Variants in SLC51B observed in about 807,000 individuals in gnomAD.
The protein encoded by SLC51B is organic solute transporter subunit beta.
In SLC51B, 6 loss-of-function variants were observed where a neutral mutation model predicts 8.0. The observed-to-expected ratio is 0.75, with a 90% CI of 0.41 to 1.48. SLC51B has a LOEUF of 1.48. SLC51B is among the 40% of genes most tolerant of loss of function. The probability of loss-of-function intolerance (pLI) is 0.01; values close to 1 mark genes in which losing one functional copy is unlikely to be tolerated. For synonymous variants in SLC51B, 61 were observed against 54.8 expected (o/e 1.11, Z -0.50); for missense variants, 150 against 149.7 (o/e 1.00, Z -0.01).
chr15:65,053,221 T>C lies in SLC51B; in HGVS notation c.*57T>C. On this transcript the variant is annotated 3_prime_UTR_variant, in exon 4 of 4. Coordinates refer to ENST00000334287, the MANE Select transcript of SLC51B (RefSeq NM_178859.4). The stretch of plus-strand genomic sequence containing the variant: ...GACACATGATGTGGGCTCAGCTCAG[T>C]GGCCTGAAACCTCTCAGGTTTTAGA... The C allele has an allele frequency of 1.3e-6, 2 of 1,590,576 alleles. No homozygotes were observed. Among genetic ancestry groups the C allele is most frequent in the Admixed American group, 1.8e-5 (1 of 56,656 alleles).
chr15:65,051,457 C>G, intron 2 of SLC51B, 58 bp from the exon 3 acceptor site: 1 of 1,534,160 alleles, frequency 6.5e-7, no homozygotes, highest in Admixed American at 1.7e-5. Flanking sequence ...CAGCTGTTAG[C>G]GGGCTTGAGA....
chr15:65,050,027 C>T lies in SLC51B; in HGVS notation c.23C>T (p.Pro8Leu). 2 of 1,551,526 alleles carry T rather than the reference C, an allele frequency of 1.3e-6. No homozygotes were observed. The highest frequency in any genetic ancestry group is 1.7e-6 in the Non-Finnish European group (2 of 1,146,926). Residue 8 changes from proline (P) to leucine (L), a missense_variant, in exon 2 of 4, where the codon CCC (proline) becomes CTC (leucine). Coordinates refer to ENST00000334287, the MANE Select transcript of SLC51B (RefSeq NM_178859.4). MEHSEGA[P>L]GDPAGTVVPQ... ...GGCATGGAGCACAGTGAGGGGGCTCCCGGAGACCCAGCCGGTACTGTGGTA... is the reference window on the plus strand; with the variant it reads ...GGCATGGAGCACAGTGAGGGGGCTCTCGGAGACCCAGCCGGTACTGTGGTA...
chr15:65,053,030 G>C lies in SLC51B; in HGVS notation c.253G>C (p.Asp85His). 1 of 1,613,926 alleles carries C rather than the reference G, an allele frequency of 6.2e-7. No homozygotes were observed. The highest frequency in any genetic ancestry group is 8.5e-7 in the Non-Finnish European group (1 of 1,180,008). The change falls in exon 4 of 4, where the codon GAT becomes CAT. Residue 85 changes from aspartate to histidine, a missense_variant. By Grantham distance (81) the Asp-to-His change is moderately conservative. Transcript: ENST00000334287. ...PEVLHLDEAK[D>H]HNSLNNLRET... is the part of the protein sequence containing the mutation. ...AGTCCTGCATTTGGATGAGGCCAAG[G>C]ATCACAACAGCCTAAACAACCTAAG...
At chr15:65,052,759 G>T (rs2086671360) in intron 3 of SLC51B, among the ~76,000 whole-genome samples, 1 of 152,126 alleles carries the variant, frequency 6.6e-6, no homozygotes, top group Admixed American at 6.6e-5. Context: ...GAGCTCACAG[G>T]TGACAGTAAG....
chr15:65,052,503 T>C (rs2086666832), intron 3 of SLC51B, among the ~76,000 whole-genome samples: 2 of 148,216 alleles, frequency 1.3e-5, no homozygotes, highest in Non-Finnish European at 3.0e-5. Flanking sequence ...CAGGTTCAAG[T>C]GATTCTCCTG....
intron 1 of SLC51B, chr15:65,049,142 T>G (rs1435761734): frequency 6.6e-6 from 1 of 151,900 alleles, no homozygotes; most frequent in Non-Finnish European, 1.5e-5. Context: ...TTATATTAAG[T>G]AGTAATAATG....
intron 1 of SLC51B, among the ~76,000 whole-genome samples, chr15:65,048,195 GAAAAAAAAAA>G (rs57088900): frequency 1.0e-4 from 13 of 124,220 alleles, no homozygotes; most frequent in Non-Finnish European, 1.5e-4. Context: ...GAAAAAAAAA[GAAAAAAAAAA>G]AAGTCTAAGA....
In SLC51B at chr15:65,049,892, T is replaced by G. The variant is rs60518576; in HGVS notation, c.-108-5T>G. On this transcript the variant is annotated splice_polypyrimidine_tract_variant and splice_region_variant and intron_variant, in intron 1 of 3. Transcript: ENST00000334287. ...ATCCAGTCATGCTGTCTGCTTTGTT[T>G]CCAGGGGTCTTCACGGCTTCTCTGC... 2.4e-3 allele frequency: 1,623 copies of G among 679,158 alleles called. 23 individuals are homozygous for G. In the African/African-American group the frequency reaches 0.027, roughly 11 times the overall value. 42.1% of individuals were successfully genotyped at this position (679,158 alleles called of 1,614,324 possible). A position where few individuals can be genotyped will look rare whatever the true frequency, so the allele number is the denominator to read the frequency against.
chr15:65,053,286 C>CT lies in SLC51B; in HGVS notation c.*133dup, dbSNP rs368374478. The CT allele has an allele frequency of 0.031, 28,247 of 922,134 alleles. No individual in the cohort carries two copies. Among genetic ancestry groups the CT allele is most frequent in the South Asian group, 0.058 (2,278 of 39,516 alleles). The allele number at this position is 922,134 out of a possible 1,614,324, so 57.1% of individuals were successfully genotyped here. The stretch of plus-strand genomic sequence containing the variant: ...GCCGCTTTTTTCTTTTTCTTTCTTT[C>CT]TTTTTTTTTTTCTTAGCAGATACAA... On this transcript the variant is annotated 3_prime_UTR_variant, in exon 4 of 4. Transcript: ENST00000334287.
intron 1 of SLC51B, among the ~76,000 whole-genome samples, chr15:65,048,981 G>T (rs1294010446): frequency 7.1e-6 from 1 of 139,864 alleles, no homozygotes; most frequent in Non-Finnish European, 1.5e-5. Flanking sequence ...CTGCACTCCA[G>T]CCTGGGCGAC....
At chr15:65,046,022 G>T (rs779804368) in intron 1 of SLC51B, among the ~76,000 whole-genome samples, 1 of 152,036 alleles carries the variant, frequency 6.6e-6, no homozygotes, top group African/African-American at 2.4e-5. Flanking sequence ...AAAATTGGCC[G>T]GGTGCGGTGG....
chr15:65,053,029 G>C lies in SLC51B; in HGVS notation c.252G>C (p.Lys84Asn), dbSNP rs1281358903. The C allele has an allele frequency of 6.2e-7, 1 of 1,613,824 alleles. No homozygotes were observed. The highest frequency in any genetic ancestry group is 1.3e-5 in the African/African-American group (1 of 74,834). ...AAGTCCTGCATTTGGATGAGGCCAA[G>C]GATCACAACAGCCTAAACAACCTAA... ...TPEVLHLDEA[K>N]DHNSLNNLRE... Residue 84 changes from lysine (K) to asparagine (N), a missense_variant, in exon 4 of 4, where the codon AAG becomes AAC. Lys to Asn is a moderately conservative substitution (Grantham distance 94). Coordinates refer to ENST00000334287, the MANE Select transcript of SLC51B (RefSeq NM_178859.4).
chr15:65,047,258 C>T (rs918344631), intron 1 of SLC51B, among the ~76,000 whole-genome samples: 1 of 151,730 alleles, frequency 6.6e-6, no homozygotes. Flanking sequence ...ATTTCTTGAA[C>T]CTGGGAGGCG....
rs1473968934 is a variant in SLC51B at position 65,045,531 on chromosome 15, G to C, written c.-160G>C. 2.0e-5 allele frequency: 3 copies of C among 152,274 alleles called. No homozygotes were observed. Among genetic ancestry groups the C allele is most frequent in the African/African-American group, 7.2e-5 (3 of 41,458 alleles). The allele number at this position is 152,274 out of a possible 1,614,324, so 9.4% of individuals were successfully genotyped here. A position where few individuals can be genotyped will look rare whatever the true frequency, so the allele number is the denominator to read the frequency against. On this transcript the variant is annotated 5_prime_UTR_variant, in exon 1 of 4. Coordinates refer to ENST00000334287, the MANE Select transcript of SLC51B (RefSeq NM_178859.4). ...GAGGAAAAGGAAGATACAGAAATCG[G>C]TGCTGCTCCCAACAGCAGATCAAGG...
intron 3 of SLC51B, among the ~76,000 whole-genome samples, chr15:65,052,469 C>A (rs550790277): frequency 7.0e-6 from 1 of 142,942 alleles, no homozygotes; most frequent in Non-Finnish European, 1.5e-5. Flanking sequence ...GGCACAATCT[C>A]GGCTCACTGC....
intron 1 of SLC51B, among the ~76,000 whole-genome samples, chr15:65,047,953 T>C (rs1244410552): frequency 2.0e-5 from 3 of 151,518 alleles, no homozygotes; most frequent in Non-Finnish European, 4.4e-5. Context: ...CCGAGGCGAG[T>C]GGATTACCTG....
chr15:65,052,866 A>T lies in SLC51B; in HGVS notation c.189-100A>T. The stretch of plus-strand genomic sequence containing the variant: ...TCTCCTCTAGTAGCTCCCAAACTGC[A>T]TAGAGAATTTTCCCCTTAGACTCTT... On this transcript the variant is annotated intron_variant, in intron 3 of 3. Coordinates refer to ENST00000334287, the MANE Select transcript of SLC51B (RefSeq NM_178859.4). 3.7e-6 allele frequency: 4 copies of T among 1,068,106 alleles called. 1 individual carries two copies. In the South Asian group the frequency reaches 5.9e-5, roughly 16 times the overall value. The allele number at this position is 1,068,106 out of a possible 1,614,324, so 66.2% of individuals were successfully genotyped here. A position where few individuals can be genotyped will look rare whatever the true frequency, so the allele number is the denominator to read the frequency against.
intron 1 of SLC51B, among the ~76,000 whole-genome samples, chr15:65,046,965 C>A (rs535485677): frequency 1.3e-5 from 2 of 152,070 alleles, no homozygotes; most frequent in African/African-American, 4.8e-5. Context: ...AGCTTACCTG[C>A]GTCTTTGTAC....
intron 1 of SLC51B, among the ~76,000 whole-genome samples, chr15:65,047,814 TAGATA>T (rs1402922565): frequency 6.6e-6 from 1 of 151,920 alleles, no homozygotes; most frequent in Admixed American, 6.6e-5. Flanking sequence ...GATAGATAGA[TAGATA>T]GATAGATAGA....
Sources: allele counts gnomAD v4.1 joint callset (sites outside exome capture counted in the v4.1 genomes callset), GRCh38; gene constraint gnomAD v4.1.1; transcripts MANE v1.5; gene names NCBI Gene and HGNC (gene_info 2026-07-23, HGNC 2026-07-21).